The following SMG7 variants were observed in gnomAD, a reference collection of about 807,000 sequenced individuals.
SMG7 encodes nonsense-mediated mRNA decay factor SMG7.
In SMG7, 34 loss-of-function variants were observed where a neutral mutation model predicts 148.2. The ratio of observed to expected loss-of-function variants is 0.23; its 90% CI spans 0.17 to 0.31. The LOEUF is 0.31. Among genes scored for constraint, SMG7 ranks in the 10% least tolerant of loss-of-function variants. The probability of loss-of-function intolerance (pLI) is 1.00; values close to 1 mark genes in which losing one functional copy is unlikely to be tolerated. For missense variants in SMG7, 1,114 were observed against 1,408.4 expected (o/e 0.79, Z 3.35); for synonymous variants, 492 against 515.1 (o/e 0.96, Z 0.61).
In SMG7 at chr1:183,527,758, G is replaced by A; in HGVS notation, c.485-198G>A. 3.4e-6 allele frequency: 2 copies of A among 588,166 alleles called. No individual in the cohort carries two copies. Among genetic ancestry groups the A allele is most frequent in the Non-Finnish European group, 6.6e-6 (2 of 304,756 alleles). The allele number at this position is 588,166 out of a possible 1,614,324, so 36.4% of individuals were successfully genotyped here. ...TAAGCTTTAAAATTGGTTACATGCT[G>A]AATGTCCCAAATAAGGAAGGCTGAT... On this transcript the variant is annotated intron_variant, in intron 5 of 22. Transcript: ENST00000688051. This position sits in a 1 kb window ranked among gnomAD's most constrained non-coding sequence, Gnocchi z 4.0.
Position 183,542,333 on chromosome 1 carries a change from G to T in SMG7, c.1673G>T (p.Arg558Ile). 6.2e-7 allele frequency: 1 copy of T among 1,614,150 alleles called. No individual in the cohort carries two copies. The highest frequency in any genetic ancestry group is 8.5e-7 in the Non-Finnish European group (1 of 1,180,014). ...KENIKTREVN[R>I]DQGRSFPPKE... ...AACATTAAGACACGAGAAGTGAACAGAGACCAAGGAAGAAGTTTTCCTCCC... is the reference window on the plus strand; with the variant it reads ...AACATTAAGACACGAGAAGTGAACATAGACCAAGGAAGAAGTTTTCCTCCC... Residue 558 changes from arginine to isoleucine, a missense_variant, in exon 14 of 23, where the codon AGA becomes ATA. This residue lies in a region of SMG7 where 788 missense variants were observed against 894.5 expected (regional missense o/e 0.88). Transcript: ENST00000688051.
intron 18 of SMG7, chr1:183,548,870 C>A: frequency 3.5e-6 from 1 of 286,052 alleles, no homozygotes; most frequent in Non-Finnish European, 6.6e-6. Context: ...AACAGTTCAG[C>A]ATTTTGTTTT....
chr1:183,540,915 T>C, intron 12 of SMG7, 69 bp from the exon 13 acceptor site: 4 of 1,502,864 alleles, frequency 2.7e-6, no homozygotes, highest in Non-Finnish European at 3.7e-6. Context: ...GTTAATCAGG[T>C]GAACTTGGTT....
intron 1 of SMG7, among the ~76,000 whole-genome samples, chr1:183,506,039 G>A (rs1660817426): frequency 6.6e-6 from 1 of 152,182 alleles, no homozygotes; most frequent in South Asian, 2.1e-4. Context: ...AATTTGTTCT[G>A]TCTGGATTCT....
chr1:183,538,323 T>C, intron 11 of SMG7, 57 bp from the exon 12 acceptor site: 1 of 1,191,090 alleles, frequency 8.4e-7, no homozygotes, highest in Non-Finnish European at 1.3e-6. Flanking sequence ...GTGAACAGTA[T>C]TCCACCAAAC....
chr1:183,530,570 G>A (rs1666679838), intron 8 of SMG7, among the ~76,000 whole-genome samples: 1 of 152,128 alleles, frequency 6.6e-6, no homozygotes, highest in African/African-American at 2.4e-5. Context: ...GAACAAACAA[G>A]TCTAAATAGT....
chr1:183,479,706 G>A (rs988909418), intron 1 of SMG7, among the ~76,000 whole-genome samples: 12 of 152,086 alleles, frequency 7.9e-5, no homozygotes, highest in Admixed American at 4.6e-4. Context: ...TATGCCTTTG[G>A]CAAATTAAAA....
At chr1:183,494,946 A>C (rs962345661) in intron 1 of SMG7, among the ~76,000 whole-genome samples, 2 of 151,304 alleles carry the variant, frequency 1.3e-5, no homozygotes, top group African/African-American at 4.9e-5. Context: ...CTCCTGCCTC[A>C]GCCTCCCGAG....
intron 1 of SMG7, among the ~76,000 whole-genome samples, chr1:183,475,053 A>T (rs1006031705): frequency 3.9e-5 from 6 of 152,228 alleles, no homozygotes; most frequent in Non-Finnish European, 8.8e-5. Context: ...AAGCCCAAAG[A>T]AGGTAAAATT....
intron 11 of SMG7, 142 bp downstream of exon 11, chr1:183,537,357 G>A (rs1667977139): frequency 3.2e-6 from 2 of 634,412 alleles, no homozygotes; most frequent in East Asian, 2.7e-5. Flanking sequence ...CTCTACATAA[G>A]TGGGTGGGTG....
At chr1:183,531,079 A>G (rs1184977928) in intron 8 of SMG7, among the ~76,000 whole-genome samples, 1 of 152,146 alleles carries the variant, frequency 6.6e-6, no homozygotes, top group Non-Finnish European at 1.5e-5. Context: ...ACATAGTATG[A>G]GGCAGATCTA....
intron 1 of SMG7, among the ~76,000 whole-genome samples, chr1:183,493,770 C>T (rs753972300): frequency 6.6e-6 from 1 of 152,024 alleles, no homozygotes; most frequent in Non-Finnish European, 1.5e-5. Context: ...TGAGTAGAGA[C>T]GGGGTTTCGC....
At chr1:183,508,008 C>A in intron 1 of SMG7, 1 of 171,694 alleles carries the variant, frequency 5.8e-6, no homozygotes, top group South Asian at 1.9e-4. Context: ...ATTCTTGGTT[C>A]ATTCATTATT....
At chr1:183,477,026 A>C (rs1388952026) in intron 1 of SMG7, among the ~76,000 whole-genome samples, 1 of 152,196 alleles carries the variant, frequency 6.6e-6, no homozygotes, top group Non-Finnish European at 1.5e-5. Context: ...AAAAAAGAAA[A>C]GTGGAAATTA....
intron 4 of SMG7, among the ~76,000 whole-genome samples, chr1:183,525,986 C>G (rs1665751872): frequency 1.3e-5 from 2 of 151,768 alleles, no homozygotes; most frequent in South Asian, 4.2e-4. Flanking sequence ...CTTAATGTGT[C>G]TGAAAATCGT....
chr1:183,533,936 T>C (rs1667289277), intron 10 of SMG7, 104 bp downstream of exon 10: 2 of 933,848 alleles, frequency 2.1e-6, no homozygotes, highest in Non-Finnish European at 3.2e-6. Flanking sequence ...AACAATAGAA[T>C]ACTGTATTTT....
chr1:183,547,996 C>G (rs1471004372), intron 18 of SMG7, among the ~76,000 whole-genome samples: 1 of 152,152 alleles, frequency 6.6e-6, no homozygotes, highest in African/African-American at 2.4e-5. Context: ...TTTCCCCTCT[C>G]TTTATTACAC....
intron 10 of SMG7, 121 bp from the exon 11 acceptor site, chr1:183,537,024 A>G: frequency 1.5e-6 from 1 of 654,500 alleles, no homozygotes; most frequent in East Asian, 2.7e-5. Context: ...AGCCTTTGAA[A>G]TGCTGAAATA....
intron 1 of SMG7, among the ~76,000 whole-genome samples, chr1:183,508,634 T>C (rs1661486356): frequency 6.6e-6 from 1 of 152,210 alleles, no homozygotes; most frequent in African/African-American, 2.4e-5. Context: ...AATAGTTGCT[T>C]AGGGGTGGGA....
Sources: allele counts gnomAD v4.1 joint callset (sites outside exome capture counted in the v4.1 genomes callset), GRCh38; gene constraint gnomAD v4.1.1; regional missense constraint gnomAD v4.1.1; non-coding constraint Gnocchi (gnomAD v3.1); transcripts MANE v1.5; gene names NCBI Gene and HGNC (gene_info 2026-07-23, HGNC 2026-07-21).